The following RALYL variants were observed in gnomAD, a reference collection of about 807,000 sequenced individuals.
RALYL encodes the protein RALY RNA binding protein like, also known as RNA-binding Raly-like protein.
Under a neutral mutation model 35.1 loss-of-function variants are expected in RALYL, and 29 were observed. That is an observed-to-expected ratio of 0.83 (90% CI 0.61 to 1.13). RALYL has a LOEUF of 1.13. RALYL is among the 50% of genes most tolerant of loss of function. The probability of loss-of-function intolerance (pLI) is 0.00; values close to 1 mark genes in which losing one functional copy is unlikely to be tolerated. For missense variants in RALYL, 359 were observed against 360.4 expected (o/e 1.00, Z 0.03); for synonymous variants, 120 against 127.6 (o/e 0.94, Z 0.40).
intron 2 of RALYL, among the ~76,000 whole-genome samples, chr8:84,619,461 T>C (rs1820726949): frequency 6.8e-6 from 1 of 148,052 alleles, no homozygotes; most frequent in African/African-American, 2.6e-5. Flanking sequence ...TCTTCCTCCA[T>C]CCTTTTATTT....
chr8:84,476,198 C>T (rs1564315), intron 1 of RALYL, among the ~76,000 whole-genome samples: 53,098 of 151,946 alleles, frequency 0.35, 9,581 homozygotes, highest in South Asian at 0.52. Context: ...AACAGGGAAG[C>T]CAGATTCTAT....
intron 1 of RALYL, among the ~76,000 whole-genome samples, chr8:84,389,380 A>G (rs1217788210): frequency 6.6e-6 from 1 of 152,044 alleles, no homozygotes; most frequent in Non-Finnish European, 1.5e-5. Flanking sequence ...TTCTGTGAAG[A>G]AAGTCATTGG....
intron 7 of RALYL, among the ~76,000 whole-genome samples, chr8:84,880,869 C>A (rs986408700): frequency 3.6e-4 from 54 of 151,924 alleles, no homozygotes; most frequent in Non-Finnish European, 4.1e-4. Flanking sequence ...TCTAAGGTCC[C>A]AGACAGGAAT....
At chr8:84,514,780 C>T (rs1587903813) in intron 1 of RALYL, among the ~76,000 whole-genome samples, 1 of 152,226 alleles carries the variant, frequency 6.6e-6, no homozygotes, top group Admixed American at 6.5e-5. Context: ...TGTGAGTAGA[C>T]TTTGTGTTGT....
At chr8:84,666,171 A>G (rs961369194) in intron 2 of RALYL, among the ~76,000 whole-genome samples, 1 of 152,010 alleles carries the variant, frequency 6.6e-6, no homozygotes, top group African/African-American at 2.4e-5. Flanking sequence ...AGTCAGCTTT[A>G]AGTATATTTC....
At chr8:84,729,093 C>A (rs903970823) in intron 2 of RALYL, among the ~76,000 whole-genome samples, 2 of 152,126 alleles carry the variant, frequency 1.3e-5, no homozygotes, top group African/African-American at 4.8e-5. Context: ...GATATTGATT[C>A]TTCCTACCCA....
At chr8:84,861,525 G>A (rs1838087124) in intron 5 of RALYL, among the ~76,000 whole-genome samples, 1 of 152,060 alleles carries the variant, frequency 6.6e-6, no homozygotes, top group South Asian at 2.1e-4. Flanking sequence ...AAGTTTTATT[G>A]ATTTTTTTGT....
intron 2 of RALYL, among the ~76,000 whole-genome samples, chr8:84,673,516 C>T (rs893648373): frequency 2.0e-5 from 3 of 151,884 alleles, no homozygotes; most frequent in East Asian, 1.9e-4. Context: ...TTTACATTTA[C>T]ATTTTACATT....
chr8:84,887,893 ATATTT>A (rs1843179900), intron 8 of RALYL, 117 bp downstream of exon 8: 1 of 892,920 alleles, frequency 1.1e-6, no homozygotes, highest in Non-Finnish European at 1.7e-6. Context: ...TTATATGCAT[ATATTT>A]AAGGGAACAT....
chr8:84,371,539 T>TCA (rs5892914), intron 1 of RALYL, among the ~76,000 whole-genome samples: 15,280 of 143,998 alleles, frequency 0.11, 784 homozygotes, highest in African/African-American at 0.15. Flanking sequence ...TTTATGATTA[T>TCA]CACACACACA....
chr8:84,296,876 A>G (rs1250879296), intron 1 of RALYL, among the ~76,000 whole-genome samples: 2 of 151,884 alleles, frequency 1.3e-5, no homozygotes, highest in African/African-American at 2.4e-5. Context: ...TTGTTGCCTA[A>G]AGAGTCTTAG....
At chr8:84,639,001 C>G (rs1170176673) in intron 2 of RALYL, among the ~76,000 whole-genome samples, 3 of 133,992 alleles carry the variant, frequency 2.2e-5, no homozygotes, top group African/African-American at 9.0e-5. Flanking sequence ...CACACACACA[C>G]AGATGGGATG....
intron 2 of RALYL, among the ~76,000 whole-genome samples, chr8:84,721,173 G>A (rs911760111): frequency 6.6e-6 from 1 of 151,472 alleles, no homozygotes; most frequent in African/African-American, 2.4e-5. Flanking sequence ...TTCAAGGGAA[G>A]CCTGGGCCAC....
intron 5 of RALYL, among the ~76,000 whole-genome samples, chr8:84,860,769 T>G (rs1010488351): frequency 3.9e-5 from 6 of 152,200 alleles, no homozygotes; most frequent in Non-Finnish European, 5.9e-5. Flanking sequence ...TTTCCAGATA[T>G]CTCTTAGTTT....
intron 2 of RALYL, among the ~76,000 whole-genome samples, chr8:84,708,016 C>T (rs929978654): frequency 1.3e-5 from 2 of 151,970 alleles, no homozygotes; most frequent in African/African-American, 4.8e-5. Flanking sequence ...TTCAAGAAAA[C>T]CTCACTGTAG....
intron 2 of RALYL, among the ~76,000 whole-genome samples, chr8:84,580,119 C>G (rs1810478730): frequency 6.6e-6 from 1 of 152,130 alleles, no homozygotes; most frequent in African/African-American, 2.4e-5. Context: ...CCACATGTGG[C>G]TTGTGTTATC....
At chr8:84,654,817 T>A (rs1829636328) in intron 2 of RALYL, among the ~76,000 whole-genome samples, 1 of 152,154 alleles carries the variant, frequency 6.6e-6, no homozygotes, top group African/African-American at 2.4e-5. Context: ...ACATTTTCTT[T>A]ATTCATTCAT....
chr8:84,911,280 A>AT (rs112904538), intron 8 of RALYL, among the ~76,000 whole-genome samples: 30 of 152,226 alleles, frequency 2.0e-4, no homozygotes, highest in African/African-American at 6.3e-4. Flanking sequence ...CATATCACTA[A>AT]TTTTTTATTC....
chr8:84,901,808 C>T (rs999803221), intron 8 of RALYL, among the ~76,000 whole-genome samples: 1 of 152,098 alleles, frequency 6.6e-6, no homozygotes, highest in African/African-American at 2.4e-5. Context: ...GATTAATAAG[C>T]ATTTTGTTCT....
Sources: gnomAD v4.1 joint callset for allele counts (sites outside exome capture counted in the v4.1 genomes callset) on GRCh38, gnomAD v4.1.1 for gene constraint, MANE v1.5 for transcripts, NCBI Gene and HGNC (gene_info 2026-07-23, HGNC 2026-07-21) for gene names.